Variants in LRRC4C observed in about 807,000 individuals in gnomAD.
LRRC4C encodes leucine-rich repeat-containing protein 4C.
Under a neutral mutation model 33.6 loss-of-function variants are expected in LRRC4C, and 5 were observed. The ratio of observed to expected loss-of-function variants is 0.15; its 90% CI spans 0.08 to 0.31. LRRC4C has a LOEUF of 0.31. Among genes scored for constraint, LRRC4C ranks in the 10% least tolerant of loss-of-function variants. The probability of loss-of-function intolerance (pLI) is 1.00; values close to 1 mark genes in which losing one functional copy is unlikely to be tolerated. For missense variants in LRRC4C, 560 were observed against 796.7 expected (o/e 0.70, Z 3.58); for synonymous variants, 329 against 302.0 (o/e 1.09, Z -0.93).
At chr11:41,137,181 G>A (rs1055093087) in intron 1 of LRRC4C, among the ~76,000 whole-genome samples, 6 of 152,000 alleles carry the variant, frequency 3.9e-5, no homozygotes, top group South Asian at 2.1e-4. Context: ...CCAGGAGGTC[G>A]CAGTGAGCTG....
intron 2 of LRRC4C, among the ~76,000 whole-genome samples, chr11:40,901,198 A>C (rs2136189886): frequency 6.6e-6 from 1 of 152,256 alleles, no homozygotes; most frequent in East Asian, 1.9e-4. Context: ...GAAGCCACAA[A>C]TACACAAATG....
intron 3 of LRRC4C, among the ~76,000 whole-genome samples, chr11:40,359,458 A>G (rs1289866802): frequency 1.3e-5 from 2 of 152,176 alleles, no homozygotes; most frequent in Non-Finnish European, 1.5e-5. Context: ...ATGAAACCTC[A>G]ATGTTAATTT....
intron 3 of LRRC4C, among the ~76,000 whole-genome samples, chr11:40,642,200 T>C (rs1942167187): frequency 6.9e-6 from 1 of 145,190 alleles, no homozygotes; most frequent in Admixed American, 6.8e-5. Flanking sequence ...TTAAAATATA[T>C]ACAAGTATAT....
chr11:41,180,186 C>A (rs1044044175), intron 1 of LRRC4C, among the ~76,000 whole-genome samples: 1 of 151,970 alleles, frequency 6.6e-6, no homozygotes, highest in Non-Finnish European at 1.5e-5. Flanking sequence ...AAGGTCAATG[C>A]GACTAGAGCA....
intron 1 of LRRC4C, among the ~76,000 whole-genome samples, chr11:41,089,748 A>G (rs1359065233): frequency 6.6e-6 from 1 of 152,062 alleles, no homozygotes; most frequent in African/African-American, 2.4e-5. Context: ...TTTCTTGTAA[A>G]TATCAATGCC....
rs551886162 is a variant in LRRC4C at position 40,417,441 on chromosome 11, C to T, written c.-269-97720G>A. Among the ~76,000 whole-genome samples, 7 of 152,198 alleles carry T rather than the reference C, an allele frequency of 4.6e-5. No homozygotes were observed. In the South Asian group the frequency reaches 6.2e-4, roughly 14 times the overall value. On this transcript the variant is annotated intron_variant, in intron 3 of 6. Coordinates refer to ENST00000528697, the MANE Select transcript of LRRC4C (RefSeq NM_001258419.2). ...CTCCCTCCTGGGTATAAGTGATTCT[C>T]CTGCCTCAGCCTCCCAAGTAGCTGG... is the stretch of plus-strand genomic sequence containing the variant.
Position 40,232,674 on chromosome 11 carries a change from T to C in LRRC4C, c.-96+8845A>G, listed in dbSNP as rs1044710103. Among the ~76,000 whole-genome samples the C allele has an allele frequency of 5.6e-4, 85 of 152,182 alleles. 1 individual carries two copies. The highest frequency in any genetic ancestry group is 2.0e-3 in the African/African-American group (84 of 41,436). ...TCTTCAGAATGTGGCCAAGAACAAG[T>C]AAAAGATTAAAAAGCCAAAACAGTG... On this transcript the variant is annotated intron_variant, in intron 5 of 6. Transcript: ENST00000528697.
chr11:41,196,721 ATGGGTTGGT>A (rs1475478586), intron 1 of LRRC4C, among the ~76,000 whole-genome samples: 1 of 151,978 alleles, frequency 6.6e-6, no homozygotes, highest in Non-Finnish European at 1.5e-5. Context: ...GAATGAATGG[ATGGGTTGGT>A]TGATACCCAT....
chr11:40,733,256 T>C (rs1189758203), intron 2 of LRRC4C, among the ~76,000 whole-genome samples: 1 of 151,580 alleles, frequency 6.6e-6, no homozygotes, highest in Non-Finnish European at 1.5e-5. Flanking sequence ...TTTGTGTATT[T>C]AGTAAAGACA....
At chr11:40,659,845 C>T (rs745756970) in intron 2 of LRRC4C, among the ~76,000 whole-genome samples, 1 of 152,208 alleles carries the variant, frequency 6.6e-6, no homozygotes, top group African/African-American at 2.4e-5. Flanking sequence ...ACCTTGCTCA[C>T]CCTCCAGTTG....
intron 4 of LRRC4C, among the ~76,000 whole-genome samples, chr11:40,282,886 G>A (rs931931230): frequency 6.6e-6 from 1 of 152,194 alleles, no homozygotes; most frequent in African/African-American, 2.4e-5. Flanking sequence ...TGTCAAAAAC[G>A]ATTGCAGCTC....
chr11:41,239,009 C>A (rs1424733162), intron 1 of LRRC4C, among the ~76,000 whole-genome samples: 1 of 151,822 alleles, frequency 6.6e-6, no homozygotes, highest in East Asian at 1.9e-4. Context: ...GGAAAGGATT[C>A]TTTGTTAAAC....
chr11:41,044,319 T>C (rs1857629742), intron 1 of LRRC4C, among the ~76,000 whole-genome samples: 1 of 152,150 alleles, frequency 6.6e-6, no homozygotes, highest in South Asian at 2.1e-4. Context: ...TGCAGGATAA[T>C]ATTTTTTCCA....
At chr11:40,420,913 C>T (rs1361820514) in intron 3 of LRRC4C, among the ~76,000 whole-genome samples, 2 of 152,214 alleles carry the variant, frequency 1.3e-5, no homozygotes, top group African/African-American at 4.8e-5. Flanking sequence ...ATTTAACTCA[C>T]CACCATTAAC....
intron 1 of LRRC4C, among the ~76,000 whole-genome samples, chr11:41,385,280 T>C (rs1439888886): frequency 6.6e-6 from 1 of 151,540 alleles, no homozygotes; most frequent in Non-Finnish European, 1.5e-5. Flanking sequence ...TATAAAATGT[T>C]CTACCCAAAT....
intron 3 of LRRC4C, among the ~76,000 whole-genome samples, chr11:40,407,649 A>G (rs12278887): frequency 0.012 from 1,784 of 152,204 alleles, 35 homozygotes; most frequent in African/African-American, 0.041. Flanking sequence ...TCTAGCTCCA[A>G]CTACCTACAT....
chr11:40,799,071 A>C lies in LRRC4C; in HGVS notation c.-407+134564T>G, dbSNP rs554045092. 2.7e-4 allele frequency among the ~76,000 whole-genome samples: 41 copies of C among 152,330 alleles called. No individual in the cohort carries two copies. In the East Asian group the frequency reaches 7.5e-3, roughly 28 times the overall value. On this transcript the variant is annotated intron_variant, in intron 2 of 6. Transcript: ENST00000528697. ...TTCTTCTTTGCATATAGGTAGCAACAAATCCTAGAAACTTTTGTTTACAAA... is the reference window on the plus strand; with the variant it reads ...TTCTTCTTTGCATATAGGTAGCAACCAATCCTAGAAACTTTTGTTTACAAA...
At chr11:41,094,094 C>A (rs1225851576) in intron 1 of LRRC4C, among the ~76,000 whole-genome samples, 1 of 147,440 alleles carries the variant, frequency 6.8e-6, no homozygotes, top group African/African-American at 2.5e-5. Flanking sequence ...TCCAGCCTGG[C>A]GACAGAGCGA....
intron 2 of LRRC4C, among the ~76,000 whole-genome samples, chr11:40,901,435 T>G (rs1956192890): frequency 6.6e-6 from 1 of 152,074 alleles, no homozygotes; most frequent in South Asian, 2.1e-4. Flanking sequence ...AATTCAAATG[T>G]GATATTTCTA....
Sources: gnomAD v4.1 joint callset for allele counts (sites outside exome capture counted in the v4.1 genomes callset) on GRCh38, gnomAD v4.1.1 for gene constraint, MANE v1.5 for transcripts, NCBI Gene and HGNC (gene_info 2026-07-23, HGNC 2026-07-21) for gene names.